Variants in MMP1 observed in about 807,000 individuals in gnomAD.
The protein encoded by MMP1 is matrix metallopeptidase 1, also known as interstitial collagenase.
A neutral mutation model predicts 49.6 loss-of-function variants in MMP1; 51 were observed. That is an observed-to-expected ratio of 1.03 (90% CI 0.82 to 1.30). The LOEUF (loss-of-function observed/expected upper bound fraction) is 1.30. Ranked by LOEUF, MMP1 falls within the 50% of genes most tolerant of loss-of-function variation. The probability of loss-of-function intolerance (pLI) is 0.00; values close to 1 mark genes in which losing one functional copy is unlikely to be tolerated. For synonymous variants in MMP1, 230 were observed against 196.8 expected, an observed-to-expected ratio of 1.17 and a Z score of -1.41; for missense variants, 623 against 568.7, an observed-to-expected ratio of 1.10 and a Z score of -0.97.
At position 102,796,582 on chromosome 11, in the gene MMP1, A is replaced by G. The variant is rs376619153; in HGVS notation, c.625+82T>C. The G allele has an allele frequency of 8.8e-5, 131 of 1,485,794 alleles. No individual in the cohort carries two copies. In the East Asian group the frequency reaches 1.9e-3, roughly 21 times the overall value. The allele number at this position is 1,485,794 out of a possible 1,614,324, so 92.0% of individuals were successfully genotyped here. On this transcript the variant is annotated intron_variant, in intron 4 of 9. Transcript: ENST00000315274. ...GAAAAATATATACTTCTATGAATGCATTCTTTCAACTAAATCAACCAATAT... is the reference window on the plus strand; with the variant it reads ...GAAAAATATATACTTCTATGAATGCGTTCTTTCAACTAAATCAACCAATAT...
chr11:102,790,863 A>C lies in MMP1; in HGVS notation c.1197-57T>G. On this transcript the variant is annotated intron_variant, in intron 8 of 9. Transcript: ENST00000315274. Reference sequence around the variant, plus strand: ...TTTTGCTAAACATGTGCACTCTGAAAATCATTACAGAAAATACACAATGAG... The same window carrying C: ...TTTTGCTAAACATGTGCACTCTGAACATCATTACAGAAAATACACAATGAG... 4 of 941,184 alleles carry C rather than the reference A, an allele frequency of 4.2e-6. No individual in the cohort carries two copies. In the South Asian group the frequency reaches 5.5e-5, roughly 13 times the overall value. The allele number at this position is 941,184 out of a possible 1,614,324, so 58.3% of individuals were successfully genotyped here.
At chr11:102,795,803 TA>T (rs1238297580) in intron 4 of MMP1, among the ~76,000 whole-genome samples, 196 bp from the exon 5 acceptor site, 1 of 152,204 alleles carries the variant, frequency 6.6e-6, no homozygotes, top group Non-Finnish European at 1.5e-5. Flanking sequence ...TGTTGAAACC[TA>T]AACTCTATGA....
intron 8 of MMP1, among the ~76,000 whole-genome samples, chr11:102,791,078 A>T (rs1858016469): frequency 6.6e-6 from 1 of 152,206 alleles, no homozygotes; most frequent in Non-Finnish European, 1.5e-5. Flanking sequence ...TTTTGGCCAA[A>T]GTAGCTCCGT....
Position 102,795,154 on chromosome 11 carries a change from A to C in MMP1, c.899+20T>G, listed in dbSNP as rs755062018. 1 of 1,546,152 alleles carries C rather than the reference A, an allele frequency of 6.5e-7. No individual in the cohort carries two copies. The highest frequency in any genetic ancestry group is 8.9e-7 in the Non-Finnish European group (1 of 1,118,276). On this transcript the variant is annotated intron_variant, in intron 6 of 9. Coordinates refer to ENST00000315274, the MANE Select transcript of MMP1 (RefSeq NM_002421.4). ...GTTATTATTACAAATGCAGATCACA[A>C]AGAAGAACTGACATCTTACCTGTCT...
In MMP1 at chr11:102,795,536, C is replaced by G. The variant is rs775505104; in HGVS notation, c.697G>C (p.Gly233Arg). 2 of 1,613,888 alleles carry G rather than the reference C, an allele frequency of 1.2e-6. No homozygotes were observed. The highest frequency in any genetic ancestry group is 1.1e-5 in the South Asian group (1 of 91,058). The change falls in exon 5 of 10, where the codon GGG becomes CGG. Residue 233 changes from glycine (G) to arginine (R), a missense_variant. Gly to Arg is a moderately radical substitution (Grantham distance 125, BLOSUM62 -2). Coordinates refer to ENST00000315274, the MANE Select transcript of MMP1 (RefSeq NM_002421.4). Reference protein sequence around the residue: ...SLGLSHSTDIGALMYPSYTFS... With the variant: ...SLGLSHSTDIRALMYPSYTFS... ...GTGTAGCTAGGGTACATCAAAGCCCCGATATCAGTAGAATGGGAGAGTCCA... is the reference window on the plus strand; with the variant it reads ...GTGTAGCTAGGGTACATCAAAGCCCGGATATCAGTAGAATGGGAGAGTCCA...
intron 9 of MMP1, 79 bp from the exon 10 acceptor site, chr11:102,790,600 C>A: frequency 1.6e-6 from 2 of 1,289,982 alleles, no homozygotes; most frequent in Non-Finnish European, 2.2e-6. Flanking sequence ...GAAACCAATT[C>A]ATCTGTGAGC....
At chr11:102,792,358 T>C (rs899899887) in intron 7 of MMP1, among the ~76,000 whole-genome samples, 3 of 152,220 alleles carry the variant, frequency 2.0e-5, no homozygotes, top group African/African-American at 7.2e-5. Context: ...GAAAATATTT[T>C]TGTAAATCTA....
At position 102,795,480 on chromosome 11, in the gene MMP1, A is replaced by G; in HGVS notation, c.753T>C (p.Asp251=). The change falls in exon 5 of 10, where the codon GAT becomes GAC. Residue 251 remains aspartate, a synonymous_variant. Coordinates refer to ENST00000315274, the MANE Select transcript of MMP1 (RefSeq NM_002421.4). ...ATATGGCTTGGATGCCATCAATGTCATCCTGAGCTAGCTGAACATCACCAC... is the reference window on the plus strand; with the variant it reads ...ATATGGCTTGGATGCCATCAATGTCGTCCTGAGCTAGCTGAACATCACCAC... ...TFSGDVQLAQ[D]DIDGIQAIYG... 4 of 1,614,052 alleles carry G rather than the reference A, an allele frequency of 2.5e-6. No individual in the cohort carries two copies. In the South Asian group the frequency reaches 4.4e-5, roughly 18 times the overall value.
At chr11:102,793,418 C>T (rs1858089388) in intron 6 of MMP1, among the ~76,000 whole-genome samples, 2 of 152,148 alleles carry the variant, frequency 1.3e-5, no homozygotes, top group Non-Finnish European at 1.5e-5. Context: ...TGCACCTGGC[C>T]TATAATTTAA....
chr11:102,793,989 A>T (rs990922004), intron 6 of MMP1, among the ~76,000 whole-genome samples: 1 of 152,188 alleles, frequency 6.6e-6, no homozygotes, highest in Non-Finnish European at 1.5e-5. Flanking sequence ...TCTCCTCGAC[A>T]TGGCGACATT....
chr11:102,797,183 A>T, intron 2 of MMP1, 21 bp from the exon 3 acceptor site: 2 of 1,613,760 alleles, frequency 1.2e-6, no homozygotes, highest in Non-Finnish European at 1.7e-6. Context: ...AACAAAATAG[A>T]GACACATTGG....
chr11:102,790,968 C>T (rs1401726437), intron 8 of MMP1, among the ~76,000 whole-genome samples, 162 bp from the exon 9 acceptor site: 1 of 152,176 alleles, frequency 6.6e-6, no homozygotes, highest in Non-Finnish European at 1.5e-5. Flanking sequence ...GTTGGGTGAA[C>T]TAAAAGGCCT....
chr11:102,795,541 T>C lies in MMP1; in HGVS notation c.692A>G (p.Asp231Gly), dbSNP rs201530813. The change falls in exon 5 of 10, where the codon GAT becomes GGT. Residue 231 changes from aspartate to glycine, a missense_variant. Transcript: ENST00000315274. The part of the protein sequence containing the change: ...GHSLGLSHST[D>G]IGALMYPSYT... ...GCTAGGGTACATCAAAGCCCCGATA[T>C]CAGTAGAATGGGAGAGTCCAAGAGA... 1 of 1,614,038 alleles carries C rather than the reference T, an allele frequency of 6.2e-7. No individual in the cohort carries two copies. The highest frequency in any genetic ancestry group is 8.5e-7 in the Non-Finnish European group (1 of 1,180,004).
chr11:102,796,119 T>A (rs17882679), intron 4 of MMP1, among the ~76,000 whole-genome samples: 8,668 of 152,130 alleles, frequency 0.057, 284 homozygotes, highest in Middle Eastern at 0.082. Flanking sequence ...CCTGTCTAAT[T>A]TTTATATTTT....
In MMP1 at chr11:102,796,359, G is replaced by A. The variant is rs1226694523; in HGVS notation, c.625+305C>T. ...TTAATTTCCACATAAGTTTATGACC[G>A]CTGTTAAATTTCACTGTTTTCTTCT... is the stretch of plus-strand genomic sequence containing the variant. On this transcript the variant is annotated intron_variant, in intron 4 of 9. Coordinates refer to ENST00000315274, the MANE Select transcript of MMP1 (RefSeq NM_002421.4). 3.9e-5 allele frequency among the ~76,000 whole-genome samples: 6 copies of A among 152,114 alleles called. No homozygotes were observed. In the South Asian group the frequency reaches 1.2e-3, roughly 31 times the overall value.
Position 102,791,412 on chromosome 11 carries a change from T to G in MMP1, c.1117A>C (p.Thr373Pro). The G allele has an allele frequency of 6.2e-7, 1 of 1,614,022 alleles. No individual in the cohort carries two copies. Among genetic ancestry groups the G allele is most frequent in the South Asian group, 1.1e-5 (1 of 91,076 alleles). The change falls in exon 8 of 10, where the codon ACT becomes CCT. Residue 373 changes from threonine (T) to proline (P), a missense_variant. Transcript: ENST00000315274. Reference sequence around the variant, plus strand: ...AGAGCAGCATCGATATGCTTCACAGTTCTAGGGAAGCCAAAGGAGCTGTAG... The same window carrying G: ...AGAGCAGCATCGATATGCTTCACAGGTCTAGGGAAGCCAAAGGAGCTGTAG... ...DIYSSFGFPR[T>P]VKHIDAALSE...
At chr11:102,791,778 G>T (rs925340830) in intron 7 of MMP1, among the ~76,000 whole-genome samples, 18 of 152,214 alleles carry the variant, frequency 1.2e-4, no homozygotes, top group Admixed American at 2.0e-4. Flanking sequence ...ATGTTCAAAT[G>T]ACTAAAGAGT....
intron 8 of MMP1, 51 bp from the exon 9 acceptor site, chr11:102,790,857 T>G (rs561524229): frequency 2.1e-6 from 2 of 971,978 alleles, no homozygotes; most frequent in South Asian, 1.4e-5. Context: ...ACATGTGCAC[T>G]CTGAAAATCA....
Position 102,796,767 on chromosome 11 carries a change from A to T in MMP1, c.522T>A (p.Phe174Leu), listed in dbSNP as rs766154982. ...GAGCAAGATTTCCTCCAGGTCCATC[A>T]AAAGGAGAGTTGTCCCGATGATCTG... ...VRGDHRDNSP[F>L]DGPGGNLAHA... is the part of the protein sequence containing the mutation. Residue 174 changes from phenylalanine to leucine, a missense_variant, in exon 4 of 10, where the codon TTT becomes TTA. Transcript: ENST00000315274. The T allele has an allele frequency of 1.2e-6, 2 of 1,613,920 alleles. No homozygotes were observed. Among genetic ancestry groups the T allele is most frequent in the Non-Finnish European group, 1.7e-6 (2 of 1,179,930 alleles).
Sources: allele counts gnomAD v4.1 joint callset (sites outside exome capture counted in the v4.1 genomes callset), GRCh38; gene constraint gnomAD v4.1.1; transcripts MANE v1.5; gene names NCBI Gene and HGNC (gene_info 2026-07-23, HGNC 2026-07-21).